The following FBXW2 variants were observed in gnomAD, a reference collection of about 807,000 sequenced individuals.
FBXW2 encodes the protein F-box/WD repeat-containing protein 2.
FBXW2 carries 12 observed loss-of-function variants against 46.0 expected under a neutral mutation model. The ratio of observed to expected loss-of-function variants is 0.26; its 90% CI spans 0.17 to 0.42. The LOEUF is 0.42. FBXW2 is among the 10% of genes least tolerant of loss of function. The pLI, the probability that FBXW2 is intolerant of heterozygous loss-of-function variation, is 1.00. For synonymous variants in FBXW2, 203 were observed against 209.6 expected (o/e 0.97, Z 0.27); for missense variants, 360 against 537.0 (o/e 0.67, Z 3.26).
chr9:120,772,535 T>C (rs78458127), intron 6 of FBXW2, among the ~76,000 whole-genome samples: 338 of 152,100 alleles, frequency 2.2e-3, no homozygotes, highest in South Asian at 0.015. Context: ...TGAACATAAA[T>C]TTATGTGAAT....
At chr9:120,770,690 G>A (rs1287789562) in intron 7 of FBXW2, among the ~76,000 whole-genome samples, 1 of 152,170 alleles carries the variant, frequency 6.6e-6, no homozygotes, top group African/African-American at 2.4e-5. Context: ...CAGCCCATTA[G>A]AGATGGCACC....
At position 120,776,092 on chromosome 9, in the gene FBXW2, C is replaced by T. The variant is rs1216946269; in HGVS notation, c.819+1G>A. 1.9e-6 allele frequency: 3 copies of T among 1,613,318 alleles called. No homozygotes were observed. The highest frequency in any genetic ancestry group is 2.5e-6 in the Non-Finnish European group (3 of 1,179,780). On this transcript the variant is annotated splice_donor_variant, in intron 5 of 7. Coordinates refer to ENST00000608872, the MANE Select transcript of FBXW2 (RefSeq NM_012164.4). LOFTEE classifies it high-confidence loss of function. ...AGGAGACTTCTTCCAAGTCTTCCTACCTTGGTGACCCATTCCGTGTGCCCG... is the reference window on the plus strand; with the variant it reads ...AGGAGACTTCTTCCAAGTCTTCCTATCTTGGTGACCCATTCCGTGTGCCCG...
At position 120,772,974 on chromosome 9, in the gene FBXW2, A is replaced by G. The variant is rs2044411734; in HGVS notation, c.820-134T>C. 3 of 644,430 alleles carry G rather than the reference A, an allele frequency of 4.7e-6. No individual in the cohort carries two copies. In the African/African-American group the frequency reaches 5.6e-5, roughly 12 times the overall value. The allele number at this position is 644,430 out of a possible 1,614,324, so 39.9% of individuals were successfully genotyped here. ...TAAGCCATAACTCCATTACCAAATT[A>G]ACCTCTACTAAAAGTTTTACTACAA... On this transcript the variant is annotated intron_variant, in intron 5 of 7. Coordinates refer to ENST00000608872, the MANE Select transcript of FBXW2 (RefSeq NM_012164.4).
chr9:120,778,837 G>A (rs1047494868), intron 3 of FBXW2, among the ~76,000 whole-genome samples: 3 of 152,134 alleles, frequency 2.0e-5, no homozygotes, highest in Non-Finnish European at 2.9e-5. Context: ...GCTTCCACTT[G>A]AAAAATTTCA....
rs371381678 is a variant in FBXW2, at chr9:120,764,529, A to G, written c.*30T>C. On this transcript the variant is annotated 3_prime_UTR_variant, in exon 8 of 8. Coordinates refer to ENST00000608872, the MANE Select transcript of FBXW2 (RefSeq NM_012164.4). ...CCCAAAACCCGCAGCCCCGGCACCC[A>G]AAGTCAGTCAGCGGTGGTGGCTCAT... 164 of 1,595,032 alleles carry G rather than the reference A, an allele frequency of 1.0e-4. No individual in the cohort carries two copies. The African/African-American group carries it at 1.8e-3, about 18-fold the overall frequency.
At chr9:120,785,321 A>G (rs1197935068) in intron 3 of FBXW2, among the ~76,000 whole-genome samples, 1 of 152,124 alleles carries the variant, frequency 6.6e-6, no homozygotes. Flanking sequence ...ACTGCATCTT[A>G]ATCTTTTAAA....
chr9:120,770,397 G>A (rs1333291925), intron 7 of FBXW2, among the ~76,000 whole-genome samples: 2 of 150,438 alleles, frequency 1.3e-5, no homozygotes, highest in African/African-American at 4.9e-5. Flanking sequence ...AAAAAACAAT[G>A]AAGAGAATGT....
At chr9:120,789,108 T>C (rs535874722) in intron 2 of FBXW2, among the ~76,000 whole-genome samples, 2 of 152,050 alleles carry the variant, frequency 1.3e-5, no homozygotes, top group South Asian at 4.2e-4. Context: ...AAATAGACAT[T>C]ATCATCTTCA....
chr9:120,776,757 C>T (rs1481849123), intron 4 of FBXW2: 2 of 153,474 alleles, frequency 1.3e-5, no homozygotes, highest in East Asian at 3.8e-4. Flanking sequence ...GCTGTATCCC[C>T]AGCGCCAAAA....
At chr9:120,778,814 A>G (rs970179668) in intron 3 of FBXW2, among the ~76,000 whole-genome samples, 1 of 152,210 alleles carries the variant, frequency 6.6e-6, no homozygotes, top group African/African-American at 2.4e-5. Context: ...TTAGACTAAA[A>G]GCATCCCTTG....
chr9:120,771,579 TA>T lies in FBXW2; in HGVS notation c.907-63del, dbSNP rs2044375523. On this transcript the variant is annotated intron_variant, in intron 6 of 7. Transcript: ENST00000608872. ...ACATCACTACAGAAAAGCTTGTCCT[TA>T]AAATGGTCTGCATTTGTGAAGTCAG... The T allele has an allele frequency of 6.3e-6, 9 of 1,437,844 alleles. No homozygotes were observed. In the South Asian group the frequency reaches 9.2e-5, roughly 15 times the overall value. The allele number at this position is 1,437,844 out of a possible 1,614,324, so 89.1% of individuals were successfully genotyped here. A position where few individuals can be genotyped will look rare whatever the true frequency, so the allele number is the denominator to read the frequency against.
rs759614816 is a variant in FBXW2, at chr9:120,776,206, C to T, written c.706G>A (p.Asp236Asn). 12 of 1,614,068 alleles carry T rather than the reference C, an allele frequency of 7.4e-6. No individual in the cohort carries two copies. Among genetic ancestry groups the T allele is most frequent in the Non-Finnish European group, 1.0e-5 (12 of 1,180,000 alleles). Reference protein sequence around the residue: ...TGAVFSVDYNDELDILVSGSA... With the variant: ...TGAVFSVDYNNELDILVSGSA... ...CCGCTCACCAAGATATCCAGTTCAT[C>T]ATTGTAGTCCACGCTAAATACTAGT... is the stretch of plus-strand genomic sequence containing the variant. The change falls in exon 5 of 8, where the codon GAT becomes AAT. Residue 236 changes from aspartate to asparagine, a missense_variant. Transcript: ENST00000608872.
chr9:120,792,817 A>C, intron 2 of FBXW2: 1 of 1,272,940 alleles, frequency 7.9e-7, no homozygotes, highest in Non-Finnish European at 1.1e-6. Flanking sequence ...AGTAAATGTC[A>C]GTTACCATTA....
In FBXW2 at chr9:120,761,112, C is replaced by G. The variant is rs2044191008; in HGVS notation, c.*3447G>C. On this transcript the variant is annotated 3_prime_UTR_variant, in exon 8 of 8. Coordinates refer to ENST00000608872, the MANE Select transcript of FBXW2 (RefSeq NM_012164.4). ...TCCTTCCACTGGAGGGGCTTTCTTC[C>G]TATTTCTCCAATAGGTCTAAAATGT... 6.6e-6 allele frequency: 1 copy of G among 152,222 alleles called. No individual in the cohort carries two copies. The highest frequency in any genetic ancestry group is 2.1e-4 in the South Asian group (1 of 4,830). The allele number at this position is 152,222 out of a possible 1,614,324, so 9.4% of individuals were successfully genotyped here.
In FBXW2 at chr9:120,757,425, C is replaced by A. The variant is rs1366077976; in HGVS notation, c.*7134G>T. 6.6e-6 allele frequency: 1 copy of A among 152,150 alleles called. No homozygotes were observed. 9.4% of individuals were successfully genotyped at this position (152,150 alleles called of 1,614,324 possible). A position where few individuals can be genotyped will look rare whatever the true frequency, so the allele number is the denominator to read the frequency against. ...CTGGAACTTGTTCTAAGGAAATATGCACAAAGAAGTTCTCTGTAGTATCTT... is the reference window on the plus strand; with the variant it reads ...CTGGAACTTGTTCTAAGGAAATATGAACAAAGAAGTTCTCTGTAGTATCTT... On this transcript the variant is annotated 3_prime_UTR_variant, in exon 8 of 8. Transcript: ENST00000608872.
intron 3 of FBXW2, among the ~76,000 whole-genome samples, chr9:120,782,523 G>A (rs1216841157): frequency 6.6e-6 from 1 of 151,562 alleles, no homozygotes; most frequent in African/African-American, 2.4e-5. Context: ...AGGCTGTGGG[G>A]GAAGGGGCAT....
Position 120,764,773 on chromosome 9 carries a change from T to G in FBXW2, c.1151A>C (p.Asn384Thr), listed in dbSNP as rs567292109. The stretch of plus-strand genomic sequence containing the variant: ...CAAGTCCATGATGTACAGGTAGCGG[T>G]TGTCAAACAGCAGGGCAAAGATATC... The part of the protein sequence containing the change: ...FGDIFALLFD[N>T]RYLYIMDLRT... The change falls in exon 8 of 8, where the codon AAC (asparagine) becomes ACC (threonine). Residue 384 changes from asparagine (N) to threonine (T), a missense_variant. Transcript: ENST00000608872. 2.5e-6 allele frequency: 4 copies of G among 1,613,456 alleles called. No homozygotes were observed. In the South Asian group the frequency reaches 3.3e-5, roughly 13 times the overall value.
intron 2 of FBXW2, among the ~76,000 whole-genome samples, chr9:120,789,110 T>A (rs2044781147): frequency 6.6e-6 from 1 of 151,986 alleles, no homozygotes; most frequent in Non-Finnish European, 1.5e-5. Flanking sequence ...ATAGACATTA[T>A]CATCTTCACT....
chr9:120,776,341 T>A, intron 4 of FBXW2, 115 bp from the exon 5 acceptor site: 1 of 1,185,886 alleles, frequency 8.4e-7, no homozygotes, highest in East Asian at 2.5e-5. Flanking sequence ...AGAGACACCG[T>A]AAGAATGATG....
Sources: gnomAD v4.1 joint callset for allele counts (sites outside exome capture counted in the v4.1 genomes callset) on GRCh38, gnomAD v4.1.1 for gene constraint, MANE v1.5 for transcripts, NCBI Gene and HGNC (gene_info 2026-07-23, HGNC 2026-07-21) for gene names.